Variants in S100Z observed in about 807,000 individuals in gnomAD.
S100Z encodes S100 calcium binding protein Z, also known as protein S100-Z.
In S100Z, 11 loss-of-function variants were observed where a neutral mutation model predicts 8.5. The ratio of observed to expected loss-of-function variants is 1.30; its 90% CI spans 0.82 to 2.15. S100Z has a LOEUF of 2.15. Among genes scored for constraint, S100Z ranks in the 30% most tolerant of loss-of-function variants. S100Z has a pLI of 0.00. For missense variants in S100Z, 126 were observed against 117.9 expected (o/e 1.07, Z -0.32); for synonymous variants, 34 against 43.8 (o/e 0.78, Z 0.89).
At chr5:76,939,150 ATT>A in the S100Z span, among the ~76,000 whole-genome samples, 226 of 145,666 alleles carry the variant, frequency 1.6e-3, no homozygotes, top group South Asian at 4.3e-3. Flanking sequence ...GGGGCTGCAA[ATT>A]TTTTTTTTTT....
intron 1 of S100Z, among the ~76,000 whole-genome samples, chr5:76,853,405 G>T (rs761548216): frequency 3.0e-4 from 46 of 152,168 alleles, no homozygotes; most frequent in Middle Eastern, 3.2e-3. Context: ...GTAAGAGATA[G>T]CAAATTACCT....
chr5:76,914,390 ACTCTGTAAAATGGACCAATCAGCT>A (rs1418894168), intron 4 of S100Z, among the ~76,000 whole-genome samples: 16 of 144,530 alleles, frequency 1.1e-4, no homozygotes, highest in East Asian at 2.0e-4. Flanking sequence ...ACCAATCAGC[ACTCTGTAAAATGGACCAATCAGCT>A]CTCTGTAAAA....
chr5:76,863,682 G>A (rs1202553453), intron 1 of S100Z, among the ~76,000 whole-genome samples: 5 of 152,032 alleles, frequency 3.3e-5, no homozygotes, highest in African/African-American at 4.8e-5. Context: ...GGGACTACAG[G>A]CACCCGCCAC....
At chr5:76,906,142 T>C (rs928277532) in intron 4 of S100Z, among the ~76,000 whole-genome samples, 1 of 152,244 alleles carries the variant, frequency 6.6e-6, no homozygotes. Flanking sequence ...AAACATCTTT[T>C]ATGTTTTATT....
chr5:76,918,619 G>A (rs1744931892), intron 4 of S100Z, among the ~76,000 whole-genome samples: 1 of 152,182 alleles, frequency 6.6e-6, no homozygotes, highest in South Asian at 2.1e-4. Context: ...CTCCAGATGT[G>A]CACCGACTTC....
chr5:76,890,740 A>C (rs1224170352), intron 4 of S100Z, among the ~76,000 whole-genome samples: 1 of 152,220 alleles, frequency 6.6e-6, no homozygotes, highest in Non-Finnish European at 1.5e-5. Flanking sequence ...CAAGGGCATG[A>C]GATGGAGCTA....
chr5:76,870,987 C>A (rs1037933017), intron 2 of S100Z, among the ~76,000 whole-genome samples: 1 of 152,086 alleles, frequency 6.6e-6, no homozygotes, highest in Non-Finnish European at 1.5e-5. Context: ...AAATCCTAAG[C>A]TCCTCAACTG....
chr5:76,889,998 CA>C (rs1160258262), intron 4 of S100Z, among the ~76,000 whole-genome samples: 1 of 152,186 alleles, frequency 6.6e-6, no homozygotes, highest in Non-Finnish European at 1.5e-5. Context: ...AAAGCTTAAA[CA>C]AAACAAAACC....
chr5:76,893,267 T>A (rs961075930), intron 4 of S100Z, among the ~76,000 whole-genome samples: 1 of 152,192 alleles, frequency 6.6e-6, no homozygotes, highest in Admixed American at 6.6e-5. Flanking sequence ...TTGCAGTTTT[T>A]AATTTTCTGC....
downstream of S100Z, among the ~76,000 whole-genome samples, chr5:76,922,104 C>A (rs767111882): frequency 8.5e-5 from 13 of 152,216 alleles, no homozygotes; most frequent in East Asian, 7.7e-4. Context: ...TGTGCTTTGA[C>A]ATGCTGAGAG....
At chr5:76,866,718 T>A (rs1742746842) in intron 1 of S100Z, among the ~76,000 whole-genome samples, 1 of 152,244 alleles carries the variant, frequency 6.6e-6, no homozygotes, top group Non-Finnish European at 1.5e-5. Context: ...CTATGCCATA[T>A]GGCCTAGGTG....
At chr5:76,911,222 A>AATTT (rs1195855494) in intron 4 of S100Z, among the ~76,000 whole-genome samples, 2 of 152,210 alleles carry the variant, frequency 1.3e-5, no homozygotes, top group African/African-American at 4.8e-5. Flanking sequence ...TAAACATTTA[A>AATTT]AAGCTCAAGG....
chr5:76,922,818 T>G (rs1425140886), downstream of S100Z, among the ~76,000 whole-genome samples: 1 of 152,096 alleles, frequency 6.6e-6, no homozygotes, highest in Non-Finnish European at 1.5e-5. Flanking sequence ...CCACCATGCC[T>G]AGCCAAAGAG....
intron 4 of S100Z, among the ~76,000 whole-genome samples, chr5:76,905,873 A>T (rs1744405874): frequency 6.6e-6 from 1 of 152,134 alleles, no homozygotes; most frequent in African/African-American, 2.4e-5. Context: ...TCCATTGCCC[A>T]GGCTGCAGTA....
intron 4 of S100Z, among the ~76,000 whole-genome samples, chr5:76,901,266 C>G (rs1296505923): frequency 6.6e-6 from 1 of 152,220 alleles, no homozygotes; most frequent in East Asian, 1.9e-4. Context: ...TGGGGCTCTA[C>G]AATCAGCAGG....
At chr5:76,914,166 C>T (rs1027437403) in intron 4 of S100Z, among the ~76,000 whole-genome samples, 2 of 152,052 alleles carry the variant, frequency 1.3e-5, no homozygotes, top group African/African-American at 4.8e-5. Flanking sequence ...AACTGCAGGG[C>T]TCCTTCTTTG....
chr5:76,933,975 T>A, the S100Z span, among the ~76,000 whole-genome samples: 3 of 152,362 alleles, frequency 2.0e-5, no homozygotes, highest in South Asian at 4.1e-4. Context: ...ATAAGTGGAA[T>A]CATGTATTTC....
the S100Z span, among the ~76,000 whole-genome samples, chr5:76,932,782 G>T: frequency 6.6e-6 from 1 of 152,078 alleles, no homozygotes; most frequent in East Asian, 1.9e-4. Context: ...TTTCATCAAC[G>T]CTTTAAAAAT....
At chr5:76,941,151 C>T in the S100Z span, among the ~76,000 whole-genome samples, 7 of 152,304 alleles carry the variant, frequency 4.6e-5, no homozygotes, top group East Asian at 1.2e-3. Context: ...AAGACAGTTT[C>T]TTGCATGACT....
Sources: gnomAD v4.1 joint callset for allele counts (sites outside exome capture counted in the v4.1 genomes callset) on GRCh38, gnomAD v4.1.1 for gene constraint, MANE v1.5 for transcripts, NCBI Gene and HGNC (gene_info 2026-07-23, HGNC 2026-07-21) for gene names.